GUCY1A2: variants seen among roughly 807,000 people sequenced by gnomAD.
GUCY1A2 encodes the protein guanylate cyclase 1 soluble subunit alpha 2, also known as guanylate cyclase soluble subunit alpha-2.
In GUCY1A2, 27 loss-of-function variants were observed where a neutral mutation model predicts 63.5. That is an observed-to-expected ratio of 0.43 (90% CI 0.31 to 0.59). The LOEUF (loss-of-function observed/expected upper bound fraction) is 0.59. Among genes scored for constraint, GUCY1A2 ranks in the 20% least tolerant of loss-of-function variants. The probability of loss-of-function intolerance (pLI) is 0.11; values close to 1 mark genes in which losing one functional copy is unlikely to be tolerated. For synonymous variants in GUCY1A2, 364 were observed against 343.5 expected (o/e 1.06, Z -0.66); for missense variants, 768 against 913.3 (o/e 0.84, Z 2.05).
At chr11:106,903,822 C>A (rs1229235058) in intron 4 of GUCY1A2, among the ~76,000 whole-genome samples, 1 of 152,140 alleles carries the variant, frequency 6.6e-6, no homozygotes, top group African/African-American at 2.4e-5. Flanking sequence ...GCTTGCAAGC[C>A]TTCTTGTAAG....
At chr11:106,808,183 G>A (rs769545919) in intron 5 of GUCY1A2, among the ~76,000 whole-genome samples, 1 of 151,944 alleles carries the variant, frequency 6.6e-6, no homozygotes, top group Non-Finnish European at 1.5e-5. Context: ...CCAAGGCCTG[G>A]AATCTTTAGT....
At chr11:106,975,976 AAGT>A (rs1861256841) in intron 3 of GUCY1A2, among the ~76,000 whole-genome samples, 1 of 152,172 alleles carries the variant, frequency 6.6e-6, no homozygotes, top group Non-Finnish European at 1.5e-5. Flanking sequence ...TGTTTATACT[AAGT>A]AGGTAGAAAT....
chr11:106,944,354 G>C (rs941351451), intron 3 of GUCY1A2, among the ~76,000 whole-genome samples: 1 of 151,872 alleles, frequency 6.6e-6, no homozygotes, highest in African/African-American at 2.4e-5. Context: ...GCTGAGGTGG[G>C]AGAATCACCT....
At chr11:106,968,300 T>G (rs1861151401) in intron 3 of GUCY1A2, among the ~76,000 whole-genome samples, 1 of 152,218 alleles carries the variant, frequency 6.6e-6, no homozygotes, top group Non-Finnish European at 1.5e-5. Flanking sequence ...TACAATCACT[T>G]GTGGAATGTA....
chr11:106,924,075 G>A (rs1394781862), intron 4 of GUCY1A2, among the ~76,000 whole-genome samples: 5 of 152,122 alleles, frequency 3.3e-5, no homozygotes, highest in East Asian at 1.9e-4. Context: ...TAGGTGGTAG[G>A]AAGGAAACTT....
intron 4 of GUCY1A2, among the ~76,000 whole-genome samples, chr11:106,872,220 T>C (rs958338065): frequency 5.9e-5 from 9 of 152,286 alleles, no homozygotes; most frequent in Non-Finnish European, 1.3e-4. Context: ...GATTACAGGA[T>C]TGGGCAGAAT....
chr11:106,906,256 A>T (rs1416962354), intron 4 of GUCY1A2, among the ~76,000 whole-genome samples: 2 of 152,188 alleles, frequency 1.3e-5, no homozygotes, highest in Non-Finnish European at 2.9e-5. Flanking sequence ...AGAAAAAAGC[A>T]ACCCCGTCAA....
chr11:106,909,944 T>C (rs190382069), intron 4 of GUCY1A2, among the ~76,000 whole-genome samples: 2 of 152,064 alleles, frequency 1.3e-5, no homozygotes, highest in Non-Finnish European at 2.9e-5. Context: ...CTTTGGAAGG[T>C]AAATTGGCAT....
rs983237578 is a variant in GUCY1A2 at position 106,683,366 on chromosome 11, A to G, written c.*4183T>C. On this transcript the variant is annotated 3_prime_UTR_variant, in exon 8 of 8. Transcript: ENST00000526355. The stretch of plus-strand genomic sequence containing the variant: ...TGCTACCCAAAGCCTATTCAGAGTC[A>G]TTTATAATTAATTTCAAAGGAACAT... The G allele has an allele frequency of 4.5e-6, 1 of 223,780 alleles. No individual in the cohort carries two copies. The highest frequency in any genetic ancestry group is 8.9e-6 in the Non-Finnish European group (1 of 112,016). The allele number at this position is 223,780 out of a possible 1,614,324, so 13.9% of individuals were successfully genotyped here. A position where few individuals can be genotyped will look rare whatever the true frequency, so the allele number is the denominator to read the frequency against.
intron 3 of GUCY1A2, among the ~76,000 whole-genome samples, chr11:106,972,470 T>C (rs1429962978): frequency 2.0e-5 from 3 of 152,048 alleles, no homozygotes; most frequent in Non-Finnish European, 4.4e-5. Context: ...TGAAGGGTTG[T>C]TCTCCCTTCA....
intron 3 of GUCY1A2, among the ~76,000 whole-genome samples, chr11:106,941,201 T>G (rs938935046): frequency 9.9e-5 from 15 of 152,190 alleles, no homozygotes; most frequent in African/African-American, 3.6e-4. Context: ...AGGTTATTGT[T>G]AAGTTTTCTC....
intron 4 of GUCY1A2, among the ~76,000 whole-genome samples, chr11:106,902,380 G>T (rs1010428756): frequency 6.6e-6 from 1 of 152,110 alleles, no homozygotes; most frequent in Admixed American, 6.5e-5. Flanking sequence ...AATGGTAAAC[G>T]AAAATTGGTT....
chr11:106,810,661 C>A (rs1204528380), intron 4 of GUCY1A2, among the ~76,000 whole-genome samples, 183 bp from the exon 5 acceptor site: 1 of 152,000 alleles, frequency 6.6e-6, no homozygotes, highest in Non-Finnish European at 1.5e-5. Flanking sequence ...TGAAGAGAAA[C>A]AATTGTTTTA....
chr11:106,683,055 A>T lies in GUCY1A2; in HGVS notation c.*4494T>A, dbSNP rs1200237907. 1.4e-5 allele frequency: 3 copies of T among 217,870 alleles called. No homozygotes were observed. The highest frequency in any genetic ancestry group is 2.8e-5 in the Non-Finnish European group (3 of 108,318). 13.5% of individuals were successfully genotyped at this position (217,870 alleles called of 1,614,324 possible). ...CAATAAATTTTGTTCAATCACATGA[A>T]CACAATTTATGTGTATGTTAAACCA... On this transcript the variant is annotated 3_prime_UTR_variant, in exon 8 of 8. Coordinates refer to ENST00000526355, the MANE Select transcript of GUCY1A2 (RefSeq NM_000855.3).
At chr11:106,752,622 G>A (rs575900555) in intron 6 of GUCY1A2, among the ~76,000 whole-genome samples, 16 of 151,942 alleles carry the variant, frequency 1.1e-4, no homozygotes, top group Admixed American at 5.2e-4. Flanking sequence ...TTGGTTTTCC[G>A]TCCTTGTGAT....
At chr11:106,931,927 A>T (rs1414597852) in intron 4 of GUCY1A2, among the ~76,000 whole-genome samples, 1 of 152,160 alleles carries the variant, frequency 6.6e-6, no homozygotes, top group Non-Finnish European at 1.5e-5. Context: ...TTCATTTACT[A>T]AAAATTATTG....
chr11:106,867,134 T>G (rs896799228), intron 4 of GUCY1A2, among the ~76,000 whole-genome samples: 4 of 152,078 alleles, frequency 2.6e-5, no homozygotes, highest in African/African-American at 7.2e-5. Context: ...AGCTAAAATA[T>G]CTGGTGGTTC....
At chr11:107,015,358 C>T (rs1861805572) in intron 1 of GUCY1A2, among the ~76,000 whole-genome samples, 1 of 151,882 alleles carries the variant, frequency 6.6e-6, no homozygotes, top group Non-Finnish European at 1.5e-5. Flanking sequence ...TCTTTTCATC[C>T]AGCAAAAAGC....
At position 106,940,213 on chromosome 11, in the gene GUCY1A2, C is replaced by T. The variant is rs778266075; in HGVS notation, c.488-35G>A. On this transcript the variant is annotated intron_variant, in intron 3 of 7. Coordinates refer to ENST00000526355, the MANE Select transcript of GUCY1A2 (RefSeq NM_000855.3). Reference sequence around the variant, plus strand: ...AATGGGAAGCAAATGTTAGTGAAGTCTAATATAAATAATTGAATTTATAGC... The same window carrying T: ...AATGGGAAGCAAATGTTAGTGAAGTTTAATATAAATAATTGAATTTATAGC... The T allele has an allele frequency of 1.1e-5, 10 of 940,804 alleles. No individual in the cohort carries two copies. In the Admixed American group the frequency reaches 2.1e-4, roughly 20 times the overall value. The allele number at this position is 940,804 out of a possible 1,614,324, so 58.3% of individuals were successfully genotyped here. A position where few individuals can be genotyped will look rare whatever the true frequency, so the allele number is the denominator to read the frequency against.
Sources: gnomAD v4.1 joint callset for allele counts (sites outside exome capture counted in the v4.1 genomes callset) on GRCh38, gnomAD v4.1.1 for gene constraint, MANE v1.5 for transcripts, NCBI Gene and HGNC (gene_info 2026-07-23, HGNC 2026-07-21) for gene names.